Variants in AEBP2 observed in about 807,000 individuals in gnomAD.
AEBP2 encodes the protein zinc finger protein AEBP2.
A neutral mutation model predicts 50.8 loss-of-function variants in AEBP2; 10 were observed. The observed-to-expected ratio is 0.20, with a 90% confidence interval of 0.12 to 0.33. AEBP2 has a LOEUF of 0.33. Ranked by LOEUF, AEBP2 falls within the 10% of genes least tolerant of loss-of-function variation. The pLI is 1.00. For synonymous variants in AEBP2, 296 were observed against 261.3 expected, an observed-to-expected ratio of 1.13 and a Z score of -1.28; for missense variants, 570 against 688.0, an observed-to-expected ratio of 0.83 and a Z score of 1.92.
chr12:19,439,928 G>A lies in AEBP2; in HGVS notation c.229G>A (p.Gly77Ser). 6.6e-7 allele frequency: 1 copy of A among 1,510,290 alleles called. No homozygotes were observed. The highest frequency in any genetic ancestry group is 8.8e-7 in the Non-Finnish European group (1 of 1,136,496). The allele number at this position is 1,510,290 out of a possible 1,614,324, so 93.6% of individuals were successfully genotyped here. A position where few individuals can be genotyped will look rare whatever the true frequency, so the allele number is the denominator to read the frequency against. The stretch of plus-strand genomic sequence containing the variant: ...AGGCGGCGGCGGAGGAGTGGGGGGC[G>A]GCGAGGCAGAGACGATGTCGGAGCC... ...GGGGGGGVGG[G>S]EAETMSEPSP... Residue 77 changes from glycine (G) to serine (S), a missense_variant, in exon 1 of 8, where the codon GGC becomes AGC. By Grantham distance (56) the Gly-to-Ser change is moderately conservative. Transcript: ENST00000266508.
intron 5 of AEBP2, among the ~76,000 whole-genome samples, chr12:19,507,224 G>A (rs1949165565): frequency 6.6e-6 from 1 of 152,148 alleles, no homozygotes; most frequent in Admixed American, 6.5e-5. Context: ...GATTTAAAGG[G>A]CAATAGATTT....
At chr12:19,489,990 CTTTTTTTT>C (rs71067029) in intron 3 of AEBP2, among the ~76,000 whole-genome samples, 99 of 47,692 alleles carry the variant, frequency 2.1e-3, no homozygotes, top group Middle Eastern at 0.025. Flanking sequence ...TTAAAATAAA[CTTTTTTTT>C]TTTTTTTTTT....
At chr12:19,507,838 G>C (rs1019997754) in intron 5 of AEBP2, among the ~76,000 whole-genome samples, 2 of 152,114 alleles carry the variant, frequency 1.3e-5, no homozygotes, top group Non-Finnish European at 2.9e-5. Flanking sequence ...TCTGTTAGTA[G>C]TAAAAAACAT....
intron 5 of AEBP2, among the ~76,000 whole-genome samples, chr12:19,511,809 T>A (rs1415617822): frequency 2.6e-5 from 4 of 152,114 alleles, no homozygotes; most frequent in South Asian, 2.1e-4. Context: ...TTTTTTTTTT[T>A]AGGATAGATT....
At chr12:19,460,972 A>T (rs1212469434) in intron 1 of AEBP2, among the ~76,000 whole-genome samples, 2 of 151,856 alleles carry the variant, frequency 1.3e-5, no homozygotes, top group Non-Finnish European at 2.9e-5. Flanking sequence ...CTTTTTTTTT[A>T]AGAAGGTATA....
At chr12:19,463,558 A>G (rs1479722804) in intron 2 of AEBP2, among the ~76,000 whole-genome samples, 2 of 152,088 alleles carry the variant, frequency 1.3e-5, no homozygotes, top group Non-Finnish European at 2.9e-5. Flanking sequence ...TTAGTGGGTA[A>G]CTGTTTCCAA....
chr12:19,449,368 T>G (rs1948127545), intron 1 of AEBP2, among the ~76,000 whole-genome samples: 1 of 152,186 alleles, frequency 6.6e-6, no homozygotes, highest in Admixed American at 6.5e-5. Flanking sequence ...GTGGAATGTT[T>G]CTAGTGTTTG....
At chr12:19,470,053 C>A (rs537813576) in intron 2 of AEBP2, among the ~76,000 whole-genome samples, 1 of 152,204 alleles carries the variant, frequency 6.6e-6, no homozygotes, top group South Asian at 2.1e-4. Flanking sequence ...TTGAAGAAGA[C>A]CCTTTTGTCA....
chr12:19,410,949 G>A (rs2095738929), intron 1 of AEBP2, among the ~76,000 whole-genome samples: 1 of 152,054 alleles, frequency 6.6e-6, no homozygotes, highest in Non-Finnish European at 1.5e-5. Context: ...TTGGTTTTGG[G>A]TAAACTAATT....
intron 2 of AEBP2, among the ~76,000 whole-genome samples, chr12:19,465,091 G>A (rs1948447903): frequency 6.6e-6 from 1 of 151,994 alleles, no homozygotes; most frequent in Admixed American, 6.6e-5. Context: ...TTCTCTAGCT[G>A]ATTTTAAGAG....
intron 1 of AEBP2, among the ~76,000 whole-genome samples, chr12:19,407,355 G>A (rs1408396718): frequency 1.3e-5 from 2 of 151,404 alleles, no homozygotes; most frequent in Admixed American, 6.6e-5. Context: ...TCTGTAGCCC[G>A]GGCGCAATCT....
chr12:19,518,614 T>C lies in AEBP2; in HGVS notation c.*497T>C. 7.1e-7 allele frequency: 1 copy of C among 1,410,186 alleles called. No individual in the cohort carries two copies. The highest frequency in any genetic ancestry group is 9.5e-7 in the Non-Finnish European group (1 of 1,057,744). 87.4% of individuals were successfully genotyped at this position (1,410,186 alleles called of 1,614,324 possible). Reference sequence around the variant, plus strand: ...TTAGACAATGAAAATTATCAAGAGATAATTTACCTTTCAATTATGATAAAT... The same window carrying C: ...TTAGACAATGAAAATTATCAAGAGACAATTTACCTTTCAATTATGATAAAT... On this transcript the variant is annotated 3_prime_UTR_variant, in exon 8 of 8. Transcript: ENST00000266508.
chr12:19,430,342 T>C (rs935641829), intron 1 of AEBP2, among the ~76,000 whole-genome samples: 12 of 152,220 alleles, frequency 7.9e-5, no homozygotes, highest in African/African-American at 2.9e-4. Context: ...TATATATCTG[T>C]TTTGGTACCA....
At chr12:19,440,423 C>T (rs936375319) in intron 1 of AEBP2, 53 bp downstream of exon 1, 28 of 1,447,634 alleles carry the variant, frequency 1.9e-5, no homozygotes, top group African/African-American at 2.8e-5. Flanking sequence ...ACTCCCGGGC[C>T]CCTCAGAGGG....
chr12:19,507,630 G>C (rs1949170341), intron 5 of AEBP2, among the ~76,000 whole-genome samples: 1 of 151,458 alleles, frequency 6.6e-6, no homozygotes, highest in South Asian at 2.1e-4. Context: ...CTGAGGAAAA[G>C]TCACAAAGGT....
chr12:19,446,130 A>AT (rs1948060390), intron 1 of AEBP2: 1 of 152,068 alleles, frequency 6.6e-6, no homozygotes, highest in African/African-American at 2.4e-5. Flanking sequence ...TGATTAATTT[A>AT]TTTTTGCGAT....
chr12:19,404,839 T>A (rs144968672), intron 1 of AEBP2, among the ~76,000 whole-genome samples: 1 of 152,068 alleles, frequency 6.6e-6, no homozygotes, highest in Admixed American at 6.6e-5. Flanking sequence ...TAGGGATCCA[T>A]GTTTATGAAA....
chr12:19,439,879 C>T lies in AEBP2; in HGVS notation c.180C>T (p.Asn60=), dbSNP rs909336904. 1 of 1,479,456 alleles carries T rather than the reference C, an allele frequency of 6.8e-7. No individual in the cohort carries two copies. The highest frequency in any genetic ancestry group is 8.9e-7 in the Non-Finnish European group (1 of 1,124,494). The allele number at this position is 1,479,456 out of a possible 1,614,324, so 91.6% of individuals were successfully genotyped here. A position where few individuals can be genotyped will look rare whatever the true frequency, so the allele number is the denominator to read the frequency against. Residue 60 remains asparagine (N), a synonymous_variant, in exon 1 of 8, where the codon AAC becomes AAT. Coordinates refer to ENST00000266508, the MANE Select transcript of AEBP2 (RefSeq NM_153207.5). ...EAEAVAALLL[N]GGSGGGGGGG... ...AGGCGGTGGCGGCGCTGCTGCTGAA[C>T]GGCGGCAGCGGTGGGGGCGGCGGAG...
At position 19,440,516 on chromosome 12, in the gene AEBP2, C is replaced by A. The variant is rs1385884072; in HGVS notation, c.671+146C>A. The A allele has an allele frequency of 5.0e-6, 7 of 1,388,590 alleles. No homozygotes were observed. In the African/African-American group the frequency reaches 7.3e-5, roughly 14 times the overall value. 86.0% of individuals were successfully genotyped at this position (1,388,590 alleles called of 1,614,324 possible). On this transcript the variant is annotated intron_variant, in intron 1 of 7. Coordinates refer to ENST00000266508, the MANE Select transcript of AEBP2 (RefSeq NM_153207.5). ...CCAGACTCTCAACTCGGAAATCTCT[C>A]GCCGTCGCCGCCGCGCCCCTCTCGC...
Sources: gnomAD v4.1 joint callset for allele counts (sites outside exome capture counted in the v4.1 genomes callset) on GRCh38, gnomAD v4.1.1 for gene constraint, MANE v1.5 for transcripts, NCBI Gene and HGNC (gene_info 2026-07-23, HGNC 2026-07-21) for gene names.